Variants in DYSF observed in about 807,000 individuals in gnomAD.
The protein encoded by DYSF is dysferlin.
DYSF carries 212 observed loss-of-function variants against 274.9 expected under a neutral mutation model. The ratio of observed to expected loss-of-function variants is 0.77; its 90% CI spans 0.69 to 0.86. The LOEUF is 0.86. Among genes scored for constraint, DYSF ranks in the 40% least tolerant of loss-of-function variants. DYSF has a pLI of 0.00. For synonymous variants in DYSF, 1,091 were observed against 1,078.7 expected (o/e 1.01, Z -0.22); for missense variants, 2,666 against 2,783.2 (o/e 0.96, Z 0.95).
At position 71,669,748 on chromosome 2, in the gene DYSF, T is replaced by G; in HGVS notation, c.5784+2T>G. On this transcript the variant is annotated splice_donor_variant, in intron 51 of 55. Transcript: ENST00000410020. LOFTEE classifies it high-confidence loss of function. ...CAAGTCTGTACCATTGCCAAGAAGG[T>G]CAGTGTCCTTCCGATTCCCTGTGGT... 6.2e-7 allele frequency: 1 copy of G among 1,614,094 alleles called. No individual in the cohort carries two copies. The highest frequency in any genetic ancestry group is 8.5e-7 in the Non-Finnish European group (1 of 1,180,014).
intron 29 of DYSF, among the ~76,000 whole-genome samples, chr2:71,571,738 CACAG>C (rs1351684800): frequency 6.9e-6 from 1 of 145,750 alleles, no homozygotes; most frequent in Non-Finnish European, 1.5e-5. Context: ...CCAGCACACA[CACAG>C]ATCACAGTCA....
rs138317526 is a variant in DYSF at position 71,590,215 on chromosome 2, G to A, written c.3501G>A (p.Gly1167=). The part of the protein sequence containing the change: ...RPTISCIFDY[G]NRYHLRCYMY... ...CTGTTTTTTCCCTTGGTGAAGATGG[G>A]AACCGCTACCATCTACGCTGCTACA... is the stretch of plus-strand genomic sequence containing the variant. The change falls in exon 32 of 56, where the codon GGG becomes GGA. Residue 1167 remains glycine, a synonymous_variant. Coordinates refer to ENST00000410020, the MANE Select transcript of DYSF (RefSeq NM_001130987.2). 45 of 1,614,120 alleles carry A rather than the reference G, an allele frequency of 2.8e-5. 1 individual carries two copies. The African/African-American group carries it at 4.9e-4, about 18-fold the overall frequency.
chr2:71,454,357 C>T (rs1324592542), intron 1 of DYSF, among the ~76,000 whole-genome samples: 1 of 152,242 alleles, frequency 6.6e-6, no homozygotes. Context: ...GGACCAGCAT[C>T]TCTCCTCTCA....
chr2:71,608,460 G>T (rs1015495274), intron 36 of DYSF, among the ~76,000 whole-genome samples: 2 of 152,170 alleles, frequency 1.3e-5, no homozygotes, highest in Non-Finnish European at 2.9e-5. Context: ...GGTGGACAGA[G>T]ATGGCCTTGG....
In DYSF at chr2:71,682,289, G is replaced by T. The variant is rs117629961; in HGVS notation, c.6174-241G>T. Among the ~76,000 whole-genome samples, 58 of 152,212 alleles carry T rather than the reference G, an allele frequency of 3.8e-4. No homozygotes were observed. In the East Asian group the frequency reaches 0.01, roughly 26 times the overall value. On this transcript the variant is annotated intron_variant, in intron 54 of 55. Transcript: ENST00000410020. The stretch of plus-strand genomic sequence containing the variant: ...ATGGCAGAGAAACTGGGCCACTGAG[G>T]ATGCTTAGGGCTTGGCAGCACCCAG...
At chr2:71,604,924 T>C (rs1362880447) in intron 36 of DYSF, among the ~76,000 whole-genome samples, 1 of 152,100 alleles carries the variant, frequency 6.6e-6, no homozygotes, top group African/African-American at 2.4e-5. Flanking sequence ...TGGGGGCATG[T>C]CACCTCCTGG....
rs771116380 is a variant in DYSF at position 71,643,947 on chromosome 2, T to C, written c.4528-18T>C. The C allele has an allele frequency of 1.3e-6, 2 of 1,592,526 alleles. No individual in the cohort carries two copies. Among genetic ancestry groups the C allele is most frequent in the Admixed American group, 3.4e-5 (2 of 58,148 alleles). On this transcript the variant is annotated intron_variant, in intron 41 of 55. Coordinates refer to ENST00000410020, the MANE Select transcript of DYSF (RefSeq NM_001130987.2). ...GAGTCCTGTTTCTGAAATGGTCTCT[T>C]TCTTTCTACCCACTCAGGAGGAAGA...
At chr2:71,572,622 A>G (rs1278431365) in intron 29 of DYSF, among the ~76,000 whole-genome samples, 1 of 152,244 alleles carries the variant, frequency 6.6e-6, no homozygotes, top group African/African-American at 2.4e-5. Flanking sequence ...GGGGAAGTTC[A>G]CAACTCGGAA....
At chr2:71,643,878 A>C in intron 41 of DYSF, 87 bp from the exon 42 acceptor site, 1 of 1,044,438 alleles carries the variant, frequency 9.6e-7, no homozygotes, top group Non-Finnish European at 1.5e-6. Flanking sequence ...AGAGCGGCCT[A>C]GCAGCGGAGG....
intron 36 of DYSF, among the ~76,000 whole-genome samples, chr2:71,608,517 C>G (rs1343399132): frequency 6.6e-6 from 1 of 152,136 alleles, no homozygotes; most frequent in Non-Finnish European, 1.5e-5. Context: ...GGACACACCT[C>G]TAACCACTGT....
In DYSF at chr2:71,668,779, T is replaced by A. The variant is rs727503914; in HGVS notation, c.5483T>A (p.Leu1828Gln). 2 of 1,613,924 alleles carry A rather than the reference T, an allele frequency of 1.2e-6. No homozygotes were observed. Among genetic ancestry groups the A allele is most frequent in the Non-Finnish European group, 1.7e-6 (2 of 1,179,996 alleles). Residue 1828 changes from leucine to glutamine, a missense_variant, in exon 49 of 56, where the codon CTA becomes CAA. Leu to Gln is a moderately radical substitution (Grantham distance 113). Around this residue, in one of 3 missense-constraint regions of DYSF, gnomAD observed 1,460 missense variants for 1,502.1 expected, o/e 0.97. Transcript: ENST00000410020. Reference sequence around the variant, plus strand: ...GGGAAGCTGCAGATGTGGGTCGACCTATTTCCGAAGGCCCTGGGGCGGCCT... The same window carrying A: ...GGGAAGCTGCAGATGTGGGTCGACCAATTTCCGAAGGCCCTGGGGCGGCCT... ...EQGKLQMWVD[L>Q]FPKALGRPGP...
chr2:71,464,632 C>T (rs1334599317), upstream of DYSF, among the ~76,000 whole-genome samples: 2 of 151,994 alleles, frequency 1.3e-5, no homozygotes, highest in Middle Eastern at 3.4e-3. Flanking sequence ...TTCAAGGTCA[C>T]GTAAGGGGAG....
chr2:71,484,290 T>A (rs369056507), intron 3 of DYSF, among the ~76,000 whole-genome samples: 7 of 152,220 alleles, frequency 4.6e-5, no homozygotes, highest in Admixed American at 3.9e-4. Context: ...TGACCTCAGG[T>A]GATCCTCCTG....
At chr2:71,560,438 G>A (rs1370295095) in intron 22 of DYSF, among the ~76,000 whole-genome samples, 2 of 15,482 alleles carry the variant, frequency 1.3e-4, no homozygotes, top group African/African-American at 1.4e-3. Flanking sequence ...GCTACCCACC[G>A]AGCATGCCCC....
chr2:71,481,087 C>T, intron 2 of DYSF, 149 bp downstream of exon 2: 1 of 805,438 alleles, frequency 1.2e-6, no homozygotes, highest in East Asian at 2.7e-5. Flanking sequence ...CGAAATCCTT[C>T]TTGCTCTAGG....
Position 71,513,854 on chromosome 2 carries a change from G to C in DYSF, c.692G>C (p.Gly231Ala). ...TCACGTCCTCCGCCCCACTACCCCG[G>C]GATCAAAAGAAAGCGAAGTGCGCCT... is the stretch of plus-strand genomic sequence containing the variant. Reference protein sequence around the residue: ...LPSRPPPHYPGIKRKRSAPTS... With the variant: ...LPSRPPPHYPAIKRKRSAPTS... The change falls in exon 7 of 56, where the codon GGG becomes GCG. Residue 231 changes from glycine (G) to alanine (A), a missense_variant. Gly to Ala is a moderately conservative substitution (Grantham distance 60). Coordinates refer to ENST00000410020, the MANE Select transcript of DYSF (RefSeq NM_001130987.2). The C allele has an allele frequency of 6.2e-7, 1 of 1,614,170 alleles. No individual in the cohort carries two copies. The highest frequency in any genetic ancestry group is 8.5e-7 in the Non-Finnish European group (1 of 1,180,034).
intron 19 of DYSF, 57 bp downstream of exon 19, chr2:71,551,777 G>C (rs1559138902): frequency 9.2e-6 from 13 of 1,416,172 alleles, no homozygotes; most frequent in Non-Finnish European, 1.2e-5. Flanking sequence ...GGGATGGCCA[G>C]GCTGGGACTG....
chr2:71,569,283 C>T (rs1233442537), intron 26 of DYSF, among the ~76,000 whole-genome samples: 2 of 152,208 alleles, frequency 1.3e-5, no homozygotes, highest in African/African-American at 2.4e-5. Flanking sequence ...GAACCCTTCT[C>T]GTGTCTGGGC....
At chr2:71,685,636 G>A (rs190490793) in intron 55 of DYSF, among the ~76,000 whole-genome samples, 1 of 152,324 alleles carries the variant, frequency 6.6e-6, no homozygotes, top group Non-Finnish European at 1.5e-5. Context: ...AATTCCCTTG[G>A]GAGGGGTATG....
Sources: allele counts gnomAD v4.1 joint callset (sites outside exome capture counted in the v4.1 genomes callset), GRCh38; gene constraint gnomAD v4.1.1; regional missense constraint gnomAD v4.1.1; transcripts MANE v1.5; gene names NCBI Gene and HGNC (gene_info 2026-07-23, HGNC 2026-07-21).